The following EYS variants were observed in gnomAD, a reference collection of about 807,000 sequenced individuals.
The protein encoded by EYS is protein eyes shut homolog.
In EYS, 250 loss-of-function variants were observed where a neutral mutation model predicts 282.1. The observed-to-expected ratio is 0.89, with a 90% CI of 0.80 to 0.98. The LOEUF is 0.98. EYS is among the 50% of genes least tolerant of loss of function. EYS has a pLI of 0.00. For missense variants in EYS, 4,016 were observed against 3,709.0 expected, an observed-to-expected ratio of 1.08 and a Z score of -2.15; for synonymous variants, 1,355 against 1,282.9, an observed-to-expected ratio of 1.06 and a Z score of -1.20.
At chr6:65,301,400 C>G (rs1306743041) in intron 11 of EYS, among the ~76,000 whole-genome samples, 1 of 152,228 alleles carries the variant, frequency 6.6e-6, no homozygotes, top group African/African-American at 2.4e-5. Context: ...ACCCTCGCGC[C>G]CTGCGTCGTG....
intron 36 of EYS, among the ~76,000 whole-genome samples, chr6:63,826,577 G>T (rs1038217125): frequency 2.6e-4 from 39 of 152,132 alleles, no homozygotes; most frequent in African/African-American, 9.4e-4. Flanking sequence ...GAAGGGATTG[G>T]GGACCCATCT....
intron 36 of EYS, 43 bp downstream of exon 36, chr6:63,864,143 T>C (rs1411575177): frequency 2.8e-6 from 4 of 1,416,002 alleles, no homozygotes; most frequent in South Asian, 1.7e-5. Context: ...CCTCTTCACC[T>C]CTTTCTGTCT....
chr6:63,758,349 A>C (rs1483567029), intron 41 of EYS, among the ~76,000 whole-genome samples: 1 of 152,154 alleles, frequency 6.6e-6, no homozygotes, highest in South Asian at 2.1e-4. Flanking sequence ...AAATATTTCA[A>C]CTTAAGAATA....
intron 18 of EYS, among the ~76,000 whole-genome samples, chr6:64,889,009 C>CT (rs1767188416): frequency 1.3e-5 from 2 of 151,932 alleles, no homozygotes; most frequent in Admixed American, 1.3e-4. Flanking sequence ...TCTGACAGTT[C>CT]TATTATATTT....
chr6:65,652,387 T>C (rs973920895), intron 1 of EYS, among the ~76,000 whole-genome samples: 8 of 151,908 alleles, frequency 5.3e-5, no homozygotes, highest in African/African-American at 1.7e-4. Context: ...GGAAAAATTG[T>C]GCTGAAGTTA....
At chr6:63,879,888 G>T (rs1773081362) in intron 35 of EYS, among the ~76,000 whole-genome samples, 2 of 152,168 alleles carry the variant, frequency 1.3e-5, no homozygotes, top group East Asian at 1.9e-4. Flanking sequence ...TAAACCAGGG[G>T]TGTGGTCACC....
chr6:64,416,291 T>C (rs1774055910), intron 28 of EYS, among the ~76,000 whole-genome samples: 1 of 152,158 alleles, frequency 6.6e-6, no homozygotes, highest in South Asian at 2.1e-4. Flanking sequence ...TCAAAAAGAA[T>C]AAGAACCTAA....
chr6:65,248,062 G>A (rs1431301600), intron 12 of EYS, among the ~76,000 whole-genome samples: 1 of 151,922 alleles, frequency 6.6e-6, no homozygotes, highest in Non-Finnish European at 1.5e-5. Flanking sequence ...AGAAAGAAAA[G>A]CAAAAGATAC....
chr6:65,029,383 A>G (rs1446752852), intron 13 of EYS, among the ~76,000 whole-genome samples: 3 of 152,188 alleles, frequency 2.0e-5, no homozygotes, highest in African/African-American at 4.8e-5. Context: ...ATATGCAGAT[A>G]CGTACTTTGT....
At chr6:63,816,199 C>T (rs532466996) in intron 36 of EYS, among the ~76,000 whole-genome samples, 1 of 152,206 alleles carries the variant, frequency 6.6e-6, no homozygotes, top group South Asian at 2.1e-4. Context: ...ATATTGAGTA[C>T]TATTTTTAAT....
intron 39 of EYS, among the ~76,000 whole-genome samples, chr6:63,783,872 A>G (rs565711363): frequency 6.6e-6 from 1 of 151,786 alleles, no homozygotes; most frequent in African/African-American, 2.4e-5. Context: ...TACTTGGTCA[A>G]ATATTGTGTG....
chr6:64,456,183 GTCAAACAACA>G (rs1186938305), intron 26 of EYS, among the ~76,000 whole-genome samples: 1 of 151,986 alleles, frequency 6.6e-6, no homozygotes, highest in East Asian at 1.9e-4. Context: ...CAAATTCCAT[GTCAAACAACA>G]AAATTGTGGA....
intron 1 of EYS, among the ~76,000 whole-genome samples, chr6:65,650,119 T>C (rs1767601674): frequency 6.6e-6 from 1 of 152,220 alleles, no homozygotes; most frequent in South Asian, 2.1e-4. Context: ...TATCTGAGTA[T>C]TCTCAGTGTT....
Position 64,725,846 on chromosome 6 carries a change from C to T in EYS, c.3443+87532G>A, listed in dbSNP as rs569540498. Among the ~76,000 whole-genome samples the T allele has an allele frequency of 3.3e-5, 5 of 152,190 alleles. No individual in the cohort carries two copies. In the South Asian group the frequency reaches 1.0e-3, roughly 32 times the overall value. ...TTCCTTCTTCTGTTTTTACATCCTA[C>T]AATTTCCTGAGAGCTCTCCTCATAA... On this transcript the variant is annotated intron_variant, in intron 22 of 42. Transcript: ENST00000503581.
At chr6:64,828,885 G>T (rs1201349577) in intron 19 of EYS, among the ~76,000 whole-genome samples, 2 of 151,886 alleles carry the variant, frequency 1.3e-5, no homozygotes, top group African/African-American at 4.8e-5. Flanking sequence ...GGGTTGACTT[G>T]GTATATGGGT....
intron 14 of EYS, among the ~76,000 whole-genome samples, chr6:64,996,268 A>G (rs1345157823): frequency 6.6e-6 from 1 of 152,106 alleles, no homozygotes; most frequent in African/African-American, 2.4e-5. Flanking sequence ...CTCACTAATA[A>G]TAGACTAATA....
At chr6:65,628,329 A>G (rs1766791448) in intron 2 of EYS, among the ~76,000 whole-genome samples, 1 of 152,190 alleles carries the variant, frequency 6.6e-6, no homozygotes, top group South Asian at 2.1e-4. Context: ...CTTTGTATCT[A>G]GCTCAGGGAT....
rs540858695 is a variant in EYS at position 63,958,064 on chromosome 6, G to A, written c.7055+26319C>T. On this transcript the variant is annotated intron_variant, in intron 35 of 42. Coordinates refer to ENST00000503581, the MANE Select transcript of EYS (RefSeq NM_001142800.2). ...ATTTTCAAGACGTTTATAGATAGAT[G>A]TTTATATAATCTATGACCATGGTTA... Among the ~76,000 whole-genome samples the A allele has an allele frequency of 1.0e-4, 14 of 140,686 alleles. 1 individual carries two copies. Among genetic ancestry groups the A allele is most frequent in the South Asian group, 4.6e-4 (2 of 4,360 alleles). The allele number at this position is 140,686 out of a possible 152,430, so 92.3% of individuals were successfully genotyped here.
At chr6:63,873,780 CATAA>C (rs1446749307) in intron 35 of EYS, among the ~76,000 whole-genome samples, 1 of 151,422 alleles carries the variant, frequency 6.6e-6, no homozygotes, top group Non-Finnish European at 1.5e-5. Flanking sequence ...TTTTCATGTG[CATAA>C]ATGTCTTCTT....
Sources: gnomAD v4.1 joint callset for allele counts (sites outside exome capture counted in the v4.1 genomes callset) on GRCh38, gnomAD v4.1.1 for gene constraint, MANE v1.5 for transcripts, NCBI Gene and HGNC (gene_info 2026-07-23, HGNC 2026-07-21) for gene names.